MAGI2: variants seen among roughly 807,000 people sequenced by gnomAD.
MAGI2 encodes the protein membrane associated guanylate kinase, WW and PDZ domain containing 2, also known as membrane-associated guanylate kinase, WW and PDZ domain-containing protein 2.
A neutral mutation model predicts 133.3 loss-of-function variants in MAGI2; 35 were observed. The observed-to-expected ratio is 0.26, with a 90% CI of 0.20 to 0.35. The LOEUF is 0.35. MAGI2 is among the 10% of genes least tolerant of loss of function. MAGI2 has a pLI of 1.00. For missense variants in MAGI2, 1,636 were observed against 1,863.4 expected (o/e 0.88, Z 2.25); for synonymous variants, 729 against 710.6 (o/e 1.03, Z -0.41).
intron 2 of MAGI2, among the ~76,000 whole-genome samples, chr7:78,766,479 G>A (rs1279161628): frequency 1.3e-5 from 2 of 152,158 alleles, no homozygotes; most frequent in East Asian, 1.9e-4. Context: ...GGAACTTCCT[G>A]AGCTACAATG....
At chr7:79,325,525 TGAGA>T (rs1241190520) in intron 1 of MAGI2, among the ~76,000 whole-genome samples, 2 of 152,110 alleles carry the variant, frequency 1.3e-5, no homozygotes, top group Non-Finnish European at 2.9e-5. Context: ...GTGCAAAGCA[TGAGA>T]GATAGGTATA....
intron 20 of MAGI2, among the ~76,000 whole-genome samples, chr7:78,116,309 A>G (rs1051779326): frequency 6.6e-6 from 1 of 152,014 alleles, no homozygotes; most frequent in East Asian, 1.9e-4. Flanking sequence ...TTGTATTTTA[A>G]TAGAAATGAA....
intron 1 of MAGI2, among the ~76,000 whole-genome samples, chr7:79,444,180 A>G (rs975567339): frequency 6.6e-6 from 1 of 152,172 alleles, no homozygotes; most frequent in Admixed American, 6.5e-5. Context: ...AATAAGAGCT[A>G]TCTATGACAA....
chr7:78,722,429 G>A (rs193300860), intron 2 of MAGI2, among the ~76,000 whole-genome samples: 5 of 151,998 alleles, frequency 3.3e-5, no homozygotes, highest in East Asian at 1.9e-4. Flanking sequence ...AGGAATAATC[G>A]CACAAGTAAT....
intron 21 of MAGI2, among the ~76,000 whole-genome samples, chr7:78,053,661 C>T (rs185017872): frequency 6.6e-6 from 1 of 152,242 alleles, no homozygotes; most frequent in Admixed American, 6.5e-5. Context: ...CTGTCTTTTC[C>T]CATTCTCATA....
chr7:78,679,020 G>A (rs952115233), intron 2 of MAGI2, among the ~76,000 whole-genome samples: 1 of 152,040 alleles, frequency 6.6e-6, no homozygotes, highest in Non-Finnish European at 1.5e-5. Context: ...TTTCTATCAT[G>A]AATGCCATTT....
intron 2 of MAGI2, among the ~76,000 whole-genome samples, chr7:78,750,767 T>G (rs2151277265): frequency 6.6e-6 from 1 of 152,306 alleles, no homozygotes; most frequent in Non-Finnish European, 1.5e-5. Context: ...TTTTCGCTCT[T>G]GCAAAGCAAT....
chr7:79,055,798 C>T (rs1177713487), intron 1 of MAGI2, among the ~76,000 whole-genome samples: 4 of 152,168 alleles, frequency 2.6e-5, no homozygotes, highest in Admixed American at 2.0e-4. Context: ...ACTACATATT[C>T]TTCTGTTTCC....
At chr7:78,432,852 C>T (rs547273126) in intron 6 of MAGI2, among the ~76,000 whole-genome samples, 1 of 152,064 alleles carries the variant, frequency 6.6e-6, no homozygotes, top group South Asian at 2.1e-4. Context: ...CACTCATTTT[C>T]ATTATTAATG....
chr7:78,746,780 GT>G (rs201137059), intron 2 of MAGI2, among the ~76,000 whole-genome samples: 1 of 151,844 alleles, frequency 6.6e-6, no homozygotes, highest in South Asian at 2.1e-4. Context: ...GAGTTTTCTA[GT>G]TTTTTTTACA....
chr7:78,381,274 G>A (rs1008294053), intron 6 of MAGI2, among the ~76,000 whole-genome samples: 2 of 152,078 alleles, frequency 1.3e-5, no homozygotes, highest in Non-Finnish European at 2.9e-5. Context: ...TTTAACTCAG[G>A]AAGGAGAAAT....
chr7:79,100,456 A>T (rs1377719892), intron 1 of MAGI2, among the ~76,000 whole-genome samples: 1 of 151,604 alleles, frequency 6.6e-6, no homozygotes, highest in Non-Finnish European at 1.5e-5. Context: ...TATTTTTTAG[A>T]TTTTTCAATC....
At chr7:78,427,951 C>T (rs1799447177) in intron 6 of MAGI2, among the ~76,000 whole-genome samples, 1 of 152,062 alleles carries the variant, frequency 6.6e-6, no homozygotes, top group Non-Finnish European at 1.5e-5. Flanking sequence ...CTGTCTCCAC[C>T]CCATGGGAAT....
intron 9 of MAGI2, among the ~76,000 whole-genome samples, chr7:78,269,803 C>T (rs535724489): frequency 5.9e-5 from 9 of 152,288 alleles, no homozygotes; most frequent in African/African-American, 2.2e-4. Flanking sequence ...GCTTTTGTTG[C>T]CATTGCTTTT....
At chr7:78,873,248 A>T (rs1033321135) in intron 2 of MAGI2, among the ~76,000 whole-genome samples, 1 of 152,164 alleles carries the variant, frequency 6.6e-6, no homozygotes, top group Admixed American at 6.5e-5. Context: ...AATACTATAC[A>T]ACAGGGGTCC....
chr7:79,364,879 T>TA (rs1358473217), intron 1 of MAGI2, among the ~76,000 whole-genome samples: 5 of 149,948 alleles, frequency 3.3e-5, no homozygotes, highest in Non-Finnish European at 4.4e-5. Context: ...GCAAAATTCA[T>TA]AAAAAAATTA....
rs532353711 is a variant in MAGI2, at chr7:78,316,441, G to A, written c.1408+27337C>T. Among the ~76,000 whole-genome samples the A allele has an allele frequency of 1.1e-3, 170 of 152,218 alleles. 1 individual carries two copies. The highest frequency in any genetic ancestry group is 3.6e-3 in the African/African-American group (149 of 41,554). On this transcript the variant is annotated intron_variant, in intron 9 of 21. Transcript: ENST00000354212. ...GTTGATTTCTACATGAACTCCAAGT[G>A]GTGTTAATGACATTTTCAGAAAAGA...
intron 1 of MAGI2, among the ~76,000 whole-genome samples, chr7:79,364,542 T>G (rs1842570945): frequency 6.6e-6 from 1 of 152,030 alleles, no homozygotes; most frequent in South Asian, 2.1e-4. Flanking sequence ...TATTAAAGCT[T>G]GCTACATAGC....
intron 1 of MAGI2, among the ~76,000 whole-genome samples, chr7:79,280,010 CT>C (rs1835508875): frequency 6.6e-6 from 1 of 152,012 alleles, no homozygotes; most frequent in African/African-American, 2.4e-5. Context: ...AGGAGGAGGT[CT>C]TTTTTATTTA....
Sources: allele counts gnomAD v4.1 joint callset (sites outside exome capture counted in the v4.1 genomes callset), GRCh38; gene constraint gnomAD v4.1.1; transcripts MANE v1.5; gene names NCBI Gene and HGNC (gene_info 2026-07-23, HGNC 2026-07-21).